The following RYR2 variants were observed in gnomAD, a reference collection of about 807,000 sequenced individuals.
RYR2 encodes the protein ryanodine receptor 2.
In RYR2, 227 loss-of-function variants were observed where a neutral mutation model predicts 601.1. The observed-to-expected ratio is 0.38, with a 90% confidence interval of 0.34 to 0.42. The LOEUF is 0.42. Ranked by LOEUF, RYR2 falls within the 10% of genes least tolerant of loss-of-function variation. RYR2 has a pLI of 1.00. For missense variants in RYR2, 4,646 were observed against 6,156.5 expected (o/e 0.75, Z 8.21); for synonymous variants, 2,223 against 2,175.1 (o/e 1.02, Z -0.61).
chr1:237,792,172 T>G lies in RYR2; in HGVS notation c.13631T>G (p.Val4544Gly). The change falls in exon 94 of 105, where the codon GTG (valine) becomes GGG (glycine). Residue 4544 changes from valine (V) to glycine (G), a missense_variant. Coordinates refer to ENST00000366574, the MANE Select transcript of RYR2 (RefSeq NM_001035.3). The stretch of plus-strand genomic sequence containing the variant: ...AGAAGTTCAAGTGAAAATGCCAAAG[T>G]GACAAGCCTGGACAGCAGCTCCCAT... ...PTRSSSENAK[V>G]TSLDSSSHRI... 2 of 1,612,320 alleles carry G rather than the reference T, an allele frequency of 1.2e-6. No individual in the cohort carries two copies. The highest frequency in any genetic ancestry group is 1.7e-4 in the Middle Eastern group (1 of 6,058).
chr1:237,828,400 TG>T lies in RYR2; in HGVS notation c.14612del (p.Gly4871GlufsTer3). On this transcript the variant is annotated frameshift_variant, in exon 102 of 105. Transcript: ENST00000366574. LOFTEE classifies it high-confidence loss of function. ...CACCAGGTCTAATTATTGATGCTTT[TG>T]GAGAACTAAGAGACCAACAGGAACA... ...IIQGLIIDAF[G>X]ELRDQQEQVK... The T allele has an allele frequency of 1.3e-6, 2 of 1,565,062 alleles. No individual in the cohort carries two copies. Among genetic ancestry groups the T allele is most frequent in the Non-Finnish European group, 8.7e-7 (1 of 1,152,438 alleles).
At chr1:237,109,529 A>G (rs1410679043) in intron 1 of RYR2, among the ~76,000 whole-genome samples, 1 of 152,184 alleles carries the variant, frequency 6.6e-6, no homozygotes, top group Non-Finnish European at 1.5e-5. Flanking sequence ...CATAGAGGCT[A>G]CTGAATCTCC....
intron 48 of RYR2, among the ~76,000 whole-genome samples, chr1:237,644,851 G>A (rs1337052071): frequency 1.3e-5 from 2 of 152,012 alleles, no homozygotes; most frequent in African/African-American, 2.4e-5. Flanking sequence ...GGACAACATG[G>A]CAAAACCCCA....
intron 60 of RYR2, among the ~76,000 whole-genome samples, chr1:237,677,417 G>GGGTAAACCAT (rs1392786550): frequency 6.6e-6 from 1 of 152,134 alleles, no homozygotes; most frequent in Non-Finnish European, 1.5e-5. Flanking sequence ...GGTAAACCAT[G>GGGTAAACCAT]GGGAAAACTT....
chr1:237,814,274 ATTTC>A (rs1661550014), intron 100 of RYR2, among the ~76,000 whole-genome samples: 1 of 152,178 alleles, frequency 6.6e-6, no homozygotes, highest in African/African-American at 2.4e-5. Context: ...CAAAGATTTA[ATTTC>A]TTTAATTTAG....
intron 1 of RYR2, among the ~76,000 whole-genome samples, chr1:237,152,809 G>T (rs1433450741): frequency 3.3e-5 from 5 of 152,092 alleles, no homozygotes; most frequent in African/African-American, 1.2e-4. Context: ...TGACAAATGG[G>T]ATCTCATTAA....
At chr1:237,524,923 T>G (rs1667425228) in intron 24 of RYR2, among the ~76,000 whole-genome samples, 1 of 152,120 alleles carries the variant, frequency 6.6e-6, no homozygotes. Context: ...TTAAAAAGTT[T>G]AGTATTTAAT....
At position 237,530,439 on chromosome 1, in the gene RYR2, A is replaced by T. The variant is rs1362472908; in HGVS notation, c.2835A>T (p.Ala945=). 3 of 1,607,282 alleles carry T rather than the reference A, an allele frequency of 1.9e-6. No homozygotes were observed. The highest frequency in any genetic ancestry group is 2.2e-5 in the South Asian group (2 of 89,270). The change falls in exon 25 of 105, where the codon GCA becomes GCT. Residue 945 remains alanine (A), a synonymous_variant. Coordinates refer to ENST00000366574, the MANE Select transcript of RYR2 (RefSeq NM_001035.3). The part of the protein sequence containing the change: ...MSLETLKTLL[A]LGCHVGISDE... ...TTTTGTTTTCCAGGACTTTGTTGGC[A>T]TTAGGATGTCATGTGGGTATATCAG...
In RYR2 at chr1:237,631,418, C is replaced by T. The variant is rs777133390; in HGVS notation, c.6441-9C>T. The T allele has an allele frequency of 1.9e-6, 3 of 1,578,612 alleles. No homozygotes were observed. The highest frequency in any genetic ancestry group is 2.6e-6 in the Non-Finnish European group (3 of 1,149,048). On this transcript the variant is annotated splice_polypyrimidine_tract_variant and intron_variant, in intron 41 of 104. Transcript: ENST00000366574. ...GAGCTTTACCCCATACGTCCATTGT[C>T]CTTTCTAGGGATATTATGAATAACA...
intron 14 of RYR2, among the ~76,000 whole-genome samples, chr1:237,452,513 T>A (rs1427225783): frequency 2.9e-5 from 4 of 137,258 alleles, no homozygotes; most frequent in Non-Finnish European, 6.2e-5. Context: ...AACAAATATA[T>A]AATATATAAT....
chr1:237,105,056 G>T (rs962003422), intron 1 of RYR2, among the ~76,000 whole-genome samples: 3 of 152,210 alleles, frequency 2.0e-5, no homozygotes, highest in African/African-American at 7.2e-5. Flanking sequence ...AAGGGGTGCT[G>T]CTCACATCTT....
chr1:237,789,353 T>G (rs182255757), intron 92 of RYR2, among the ~76,000 whole-genome samples: 1 of 152,336 alleles, frequency 6.6e-6, no homozygotes, highest in Non-Finnish European at 1.5e-5. Context: ...TATTATATAT[T>G]TTATGCAAAT....
At chr1:237,811,977 C>G (rs1019287417) in intron 100 of RYR2, among the ~76,000 whole-genome samples, 2 of 152,136 alleles carry the variant, frequency 1.3e-5, no homozygotes, top group Admixed American at 1.3e-4. Context: ...AATCCACAGT[C>G]TTGTAGATTT....
chr1:237,303,381 C>G (rs925604034), intron 2 of RYR2, among the ~76,000 whole-genome samples: 1 of 142,300 alleles, frequency 7.0e-6, no homozygotes. Context: ...CTCACTGCAA[C>G]CTCTGCCTCT....
chr1:237,609,484 C>A (rs369746068), intron 35 of RYR2, among the ~76,000 whole-genome samples: 3 of 152,146 alleles, frequency 2.0e-5, no homozygotes, highest in African/African-American at 7.2e-5. Flanking sequence ...ATTCTCCCAC[C>A]TCAGCCTCCT....
At chr1:237,204,503 CAAAA>C (rs67002856) in intron 1 of RYR2, among the ~76,000 whole-genome samples, 3 of 106,622 alleles carry the variant, frequency 2.8e-5, no homozygotes, top group Non-Finnish European at 6.5e-5. Context: ...AAAACAAAAA[CAAAA>C]AAAAAAAAAA....
At chr1:237,597,277 G>C (rs1675992861) in intron 34 of RYR2, among the ~76,000 whole-genome samples, 1 of 150,374 alleles carries the variant, frequency 6.7e-6, no homozygotes, top group South Asian at 2.2e-4. Flanking sequence ...TGTGAGGGGA[G>C]GGTAAAAGTC....
At chr1:237,406,834 T>C (rs533861640) in intron 10 of RYR2, among the ~76,000 whole-genome samples, 1 of 152,308 alleles carries the variant, frequency 6.6e-6, no homozygotes, top group African/African-American at 2.4e-5. Context: ...ACTCTTGTTA[T>C]AAATGATAAA....
At chr1:237,390,394 C>T (rs887170454) in intron 10 of RYR2, among the ~76,000 whole-genome samples, 4 of 152,104 alleles carry the variant, frequency 2.6e-5, no homozygotes, top group Non-Finnish European at 5.9e-5. Context: ...ACAATGGTTT[C>T]CCCTCTTTGT....
Sources: gnomAD v4.1 joint callset for allele counts (sites outside exome capture counted in the v4.1 genomes callset) on GRCh38, gnomAD v4.1.1 for gene constraint, MANE v1.5 for transcripts, NCBI Gene and HGNC (gene_info 2026-07-23, HGNC 2026-07-21) for gene names.